The following BICDL1 variants were observed in gnomAD, a reference collection of about 807,000 sequenced individuals.
BICDL1 encodes BICD family like cargo adaptor 1.
Under a neutral mutation model 76.8 loss-of-function variants are expected in BICDL1, and 20 were observed. The observed-to-expected ratio is 0.26, with a 90% CI of 0.18 to 0.38. The LOEUF (loss-of-function observed/expected upper bound fraction) is 0.38. Ranked by LOEUF, BICDL1 falls within the 10% of genes least tolerant of loss-of-function variation. The pLI is 1.00. For missense variants in BICDL1, 700 were observed against 798.6 expected (o/e 0.88, Z 1.49); for synonymous variants, 383 against 337.1 (o/e 1.14, Z -1.49).
At chr12:120,036,393 C>T (rs918856245) in intron 2 of BICDL1, among the ~76,000 whole-genome samples, 1 of 152,222 alleles carries the variant, frequency 6.6e-6, no homozygotes, top group Admixed American at 6.5e-5. Context: ...TGTAAACCAG[C>T]TATACTTTGT....
chr12:120,084,683 G>A (rs1874256802), intron 8 of BICDL1, among the ~76,000 whole-genome samples: 2 of 152,076 alleles, frequency 1.3e-5, no homozygotes, highest in South Asian at 4.1e-4. Flanking sequence ...AAGGTCAGGA[G>A]TTTTGAGGCC....
At chr12:120,068,331 C>A (rs1371901547) in intron 4 of BICDL1, among the ~76,000 whole-genome samples, 2 of 152,228 alleles carry the variant, frequency 1.3e-5, no homozygotes, top group African/African-American at 4.8e-5. Context: ...ACCACCACTT[C>A]CTGAAAGTCT....
Position 120,093,066 on chromosome 12 carries a change from G to GCTGCTGCCCT in BICDL1, c.1776_1785dup (p.Arg596CysfsTer13). On this transcript the variant is annotated frameshift_variant, in exon 10 of 10. Coordinates refer to ENST00000548673, the MANE Select transcript of BICDL1 (RefSeq NM_001367886.1). LOFTEE classifies it high-confidence loss of function. ...GCACCTGAAAGAACGGAGCCAGCCG[G>GCTGCTGCCCT]CTGCTGCCCTCTGCAGGGGCCACAG... The GCTGCTGCCCT allele has an allele frequency of 6.2e-7, 1 of 1,603,134 alleles. No individual in the cohort carries two copies. Among genetic ancestry groups the GCTGCTGCCCT allele is most frequent in the Non-Finnish European group, 8.5e-7 (1 of 1,174,060 alleles).
intron 1 of BICDL1, among the ~76,000 whole-genome samples, chr12:119,991,222 T>TA (rs1273430997): frequency 6.6e-6 from 1 of 152,222 alleles, no homozygotes; most frequent in African/African-American, 2.4e-5. Context: ...CTATTATTGT[T>TA]ACCTAGTTTG....
chr12:119,989,690 C>T lies in BICDL1; in HGVS notation c.-179C>T, dbSNP rs1035382154. 1.4e-5 allele frequency among the ~76,000 whole-genome samples: 2 copies of T among 145,754 alleles called. No individual in the cohort carries two copies. Among genetic ancestry groups the T allele is most frequent in the African/African-American group, 2.5e-5 (1 of 40,544 alleles). Reference sequence around the variant, plus strand: ...GGGCGGGGGAGGGGGCGCGTGCCGCCGGCGCGGGGGAGGGGCGGGCCGGCG... The same window carrying T: ...GGGCGGGGGAGGGGGCGCGTGCCGCTGGCGCGGGGGAGGGGCGGGCCGGCG... On this transcript the variant is annotated 5_prime_UTR_variant, in exon 1 of 10. Coordinates refer to ENST00000548673, the MANE Select transcript of BICDL1 (RefSeq NM_001367886.1).
At chr12:120,090,299 G>C in intron 9 of BICDL1, 1 of 493,538 alleles carries the variant, frequency 2.0e-6, no homozygotes, top group Non-Finnish European at 3.5e-6. Flanking sequence ...GTCTGGAGAT[G>C]TAGTGATCTC....
At position 120,064,684 on chromosome 12, in the gene BICDL1, C is replaced by T. The variant is rs1172491933; in HGVS notation, c.763-49C>T. 3 of 1,545,942 alleles carry T rather than the reference C, an allele frequency of 1.9e-6. No homozygotes were observed. The South Asian group carries it at 3.8e-5, about 19-fold the overall frequency. On this transcript the variant is annotated intron_variant, in intron 3 of 9. Transcript: ENST00000548673. ...GGGCTAGTCCCTAGTTCCTACTTGT[C>T]AGCCCGGGTGTAACTCCACACCACC...
rs375884574 is a variant in BICDL1, at chr12:120,094,261, TCTCC to T, written c.*1112_*1115del. On this transcript the variant is annotated 3_prime_UTR_variant, in exon 10 of 10. Transcript: ENST00000548673. ...CCTCAGCTGCTCACAACCGATTCAG[TCTCC>T]CTCCCTCCCTCACGTGGGGAAAGCA... 6.6e-6 allele frequency: 3 copies of T among 456,544 alleles called. No individual in the cohort carries two copies. The highest frequency in any genetic ancestry group is 4.6e-5 in the South Asian group (3 of 64,546). 28.3% of individuals were successfully genotyped at this position (456,544 alleles called of 1,614,324 possible). A position where few individuals can be genotyped will look rare whatever the true frequency, so the allele number is the denominator to read the frequency against.
At position 120,023,915 on chromosome 12, in the gene BICDL1, G is replaced by A. The variant is rs140298194; in HGVS notation, c.645+25179G>A. 6.6e-5 allele frequency among the ~76,000 whole-genome samples: 10 copies of A among 152,264 alleles called. 1 individual carries two copies. Among genetic ancestry groups the A allele is most frequent in the African/African-American group, 2.4e-4 (10 of 41,570 alleles). On this transcript the variant is annotated intron_variant, in intron 2 of 9. Coordinates refer to ENST00000548673, the MANE Select transcript of BICDL1 (RefSeq NM_001367886.1). ...TGACACACGTGTTAGACTTAGCATAGAAGAACAGGAGAGTTCTTAGAACTG... is the reference window on the plus strand; with the variant it reads ...TGACACACGTGTTAGACTTAGCATAAAAGAACAGGAGAGTTCTTAGAACTG...
chr12:120,081,075 C>G (rs866644420), intron 8 of BICDL1, 58 bp downstream of exon 8: 328 of 1,541,036 alleles, frequency 2.1e-4, no homozygotes, highest in Middle Eastern at 1.9e-3. Context: ...TAGAATTGAG[C>G]ATATGCTCAA....
intron 1 of BICDL1, 126 bp from the exon 2 acceptor site, chr12:119,998,395 C>T (rs775048717): frequency 2.9e-6 from 2 of 689,760 alleles, no homozygotes; most frequent in Non-Finnish European, 4.6e-6. Context: ...GCAACTTGTC[C>T]TATGTGGTAG....
At position 120,094,353 on chromosome 12, in the gene BICDL1, G is replaced by A. The variant is rs1345637231; in HGVS notation, c.*1192G>A. The A allele has an allele frequency of 6.6e-6, 3 of 452,298 alleles. No homozygotes were observed. The highest frequency in any genetic ancestry group is 1.6e-5 in the South Asian group (1 of 64,258). 28.0% of individuals were successfully genotyped at this position (452,298 alleles called of 1,614,324 possible). ...GTACATACCACAGTGCTGTAATTTTGTATGTAGCAATCATGTAAATACATG... is the reference window on the plus strand; with the variant it reads ...GTACATACCACAGTGCTGTAATTTTATATGTAGCAATCATGTAAATACATG... On this transcript the variant is annotated 3_prime_UTR_variant, in exon 10 of 10. Transcript: ENST00000548673.
Position 120,071,839 on chromosome 12 carries a change from TG to T in BICDL1, c.1089+42del, listed in dbSNP as rs1873129229. ...CTGTCACCCCACAGGCGAGGCTACCTGGGGTTGCTTAGGTCTCATCCTCCTC... is the reference window on the plus strand; with the variant it reads ...CTGTCACCCCACAGGCGAGGCTACCTGGGTTGCTTAGGTCTCATCCTCCTC... On this transcript the variant is annotated intron_variant, in intron 5 of 9. Transcript: ENST00000548673. This position sits in a 1 kb window ranked among gnomAD's most constrained non-coding sequence, Gnocchi z 4.8. The T allele has an allele frequency of 1.3e-6, 2 of 1,534,610 alleles. No homozygotes were observed. The highest frequency in any genetic ancestry group is 2.1e-5 in the Admixed American group (1 of 48,750).
chr12:120,092,991 C>G lies in BICDL1; in HGVS notation c.1705-9C>G. ...CTCAGTCCTGGCCACTGTCCCCTCC[C>G]CTCTGCAGGATGACATGCACAGGGT... On this transcript the variant is annotated splice_polypyrimidine_tract_variant and intron_variant, in intron 9 of 9. Coordinates refer to ENST00000548673, the MANE Select transcript of BICDL1 (RefSeq NM_001367886.1). 1 of 1,548,630 alleles carries G rather than the reference C, an allele frequency of 6.5e-7. No individual in the cohort carries two copies. The highest frequency in any genetic ancestry group is 1.2e-5 in the South Asian group (1 of 80,560).
intron 2 of BICDL1, among the ~76,000 whole-genome samples, chr12:120,059,343 C>CA (rs1400820291): frequency 2.0e-5 from 3 of 152,070 alleles, no homozygotes; most frequent in Non-Finnish European, 1.5e-5. Flanking sequence ...AATCTCAACT[C>CA]ACTGCAACCT....
chr12:120,056,470 T>C (rs1001964163), intron 2 of BICDL1, among the ~76,000 whole-genome samples: 10 of 152,116 alleles, frequency 6.6e-5, no homozygotes, highest in Admixed American at 2.0e-4. Flanking sequence ...CCTGTAATCC[T>C]AGCACTTTGG....
rs530195801 is a variant in BICDL1, at chr12:120,055,591, A to G, written c.646-6119A>G. On this transcript the variant is annotated intron_variant, in intron 2 of 9. Coordinates refer to ENST00000548673, the MANE Select transcript of BICDL1 (RefSeq NM_001367886.1). ...AGAGTTTATTTCAGATAGTTTTGGG[A>G]GTGTGCATTAAAATTTTTAGCATTC... 5.3e-5 allele frequency among the ~76,000 whole-genome samples: 8 copies of G among 152,334 alleles called. No homozygotes were observed. The South Asian group carries it at 1.7e-3, about 32-fold the overall frequency.
At chr12:120,019,042 C>T (rs1952124885) in intron 2 of BICDL1, 1 of 127,358 alleles carries the variant, frequency 7.9e-6, no homozygotes, top group African/African-American at 3.2e-5. Flanking sequence ...GAGACTCCGT[C>T]TCAAAAAAAA....
chr12:120,027,511 G>C (rs1036215254), intron 2 of BICDL1, among the ~76,000 whole-genome samples: 2 of 152,132 alleles, frequency 1.3e-5, no homozygotes, highest in Non-Finnish European at 2.9e-5. Flanking sequence ...TGAATTAGGT[G>C]TTGTTATCCC....
Sources: gnomAD v4.1 joint callset for allele counts (sites outside exome capture counted in the v4.1 genomes callset) on GRCh38, gnomAD v4.1.1 for gene constraint, Gnocchi (gnomAD v3.1) non-coding constraint, MANE v1.5 for transcripts, NCBI Gene and HGNC (gene_info 2026-07-23, HGNC 2026-07-21) for gene names.